Variants in INPP4B observed in about 807,000 individuals in gnomAD.
The protein encoded by INPP4B is inositol polyphosphate 4-phosphatase type II.
In INPP4B, 55 loss-of-function variants were observed where a neutral mutation model predicts 122.5. The ratio of observed to expected loss-of-function variants is 0.45; its 90% CI spans 0.36 to 0.56. The LOEUF is 0.56. Ranked by LOEUF, INPP4B falls within the 20% of genes least tolerant of loss-of-function variation. The pLI is 0.00. For missense variants in INPP4B, 1,000 were observed against 1,097.7 expected (o/e 0.91, Z 1.26); for synonymous variants, 403 against 388.7 (o/e 1.04, Z -0.43).
intron 2 of INPP4B, among the ~76,000 whole-genome samples, chr4:142,530,507 A>G (rs1827463102): frequency 6.6e-6 from 1 of 151,308 alleles, no homozygotes. Flanking sequence ...AAACAAATAT[A>G]CATGCATATA....
intron 7 of INPP4B, chr4:142,347,506 T>G (rs748908638): frequency 2.3e-6 from 1 of 442,258 alleles, no homozygotes; most frequent in South Asian, 1.6e-5. Context: ...GTTTGAACAC[T>G]TGCCTCAGGG....
At chr4:142,726,100 C>G (rs542282569) in intron 1 of INPP4B, among the ~76,000 whole-genome samples, 199 bp from the exon 2 acceptor site, 158 of 152,296 alleles carry the variant, frequency 1.0e-3, no homozygotes, top group Non-Finnish European at 2.0e-3. Flanking sequence ...TTCTCCCTTA[C>G]AGCTGAGAAC....
intron 1 of INPP4B, among the ~76,000 whole-genome samples, chr4:142,786,591 G>A (rs1015296614): frequency 6.6e-6 from 1 of 152,032 alleles, no homozygotes; most frequent in Non-Finnish European, 1.5e-5. Flanking sequence ...TGAAGAGAGA[G>A]AGAAAAAGTA....
At chr4:142,586,320 A>AC (rs397800941) in intron 2 of INPP4B, among the ~76,000 whole-genome samples, 1 of 151,724 alleles carries the variant, frequency 6.6e-6, no homozygotes, top group Admixed American at 6.6e-5. Flanking sequence ...TCTCAAAAAA[A>AC]CAAAACAACA....
At chr4:142,176,004 T>C (rs1017561247) in intron 15 of INPP4B, among the ~76,000 whole-genome samples, 3 of 152,062 alleles carry the variant, frequency 2.0e-5, no homozygotes, top group African/African-American at 7.2e-5. Context: ...CAGAGATCGC[T>C]TCCTGTGTCC....
chr4:142,674,963 C>T (rs898284894), intron 2 of INPP4B, among the ~76,000 whole-genome samples: 10 of 151,974 alleles, frequency 6.6e-5, no homozygotes, highest in African/African-American at 2.4e-4. Context: ...GAAGCAAGAG[C>T]AAACAAATTC....
At chr4:142,559,695 A>G (rs1038088721) in intron 2 of INPP4B, among the ~76,000 whole-genome samples, 2 of 152,180 alleles carry the variant, frequency 1.3e-5, no homozygotes, top group African/African-American at 4.8e-5. Context: ...CAAACCTATG[A>G]TAACTATATA....
At chr4:142,139,273 G>A (rs1423804882) in intron 18 of INPP4B, among the ~76,000 whole-genome samples, 1 of 151,726 alleles carries the variant, frequency 6.6e-6, no homozygotes, top group Non-Finnish European at 1.5e-5. Flanking sequence ...ATATATAATT[G>A]CATTAATTTG....
At chr4:142,245,931 CATATATGTGTATGTATACAT>C (rs1728134797) in intron 11 of INPP4B, among the ~76,000 whole-genome samples, 1 of 16,302 alleles carries the variant, frequency 6.1e-5, no homozygotes, top group Non-Finnish European at 1.6e-4. Context: ...TGTATGTATA[CATATATGTGTATGTATACAT>C]ATATATGTGT....
chr4:142,588,215 C>T (rs1036756355), intron 2 of INPP4B, among the ~76,000 whole-genome samples: 5 of 151,822 alleles, frequency 3.3e-5, no homozygotes, highest in African/African-American at 4.8e-5. Flanking sequence ...TGATAAGAAA[C>T]TAGATACTTT....
At chr4:142,636,753 C>G (rs1560899516) in intron 2 of INPP4B, among the ~76,000 whole-genome samples, 1 of 152,040 alleles carries the variant, frequency 6.6e-6, no homozygotes, top group Non-Finnish European at 1.5e-5. Context: ...TATTCACATA[C>G]TTTAGTCCAT....
intron 1 of INPP4B, among the ~76,000 whole-genome samples, chr4:142,832,147 G>A (rs896968498): frequency 2.6e-5 from 4 of 152,194 alleles, no homozygotes; most frequent in Admixed American, 2.6e-4. Flanking sequence ...TTCTGCTTAT[G>A]TGGAATGTGC....
intron 2 of INPP4B, among the ~76,000 whole-genome samples, chr4:142,564,634 C>G (rs955654691): frequency 1.3e-4 from 20 of 152,004 alleles, no homozygotes; most frequent in Admixed American, 7.2e-4. Context: ...TGAGGACTCT[C>G]TTACCCATAA....
chr4:142,443,216 A>G (rs1812201032), intron 3 of INPP4B, among the ~76,000 whole-genome samples: 1 of 152,144 alleles, frequency 6.6e-6, no homozygotes, highest in Non-Finnish European at 1.5e-5. Context: ...GAGAGCCTTT[A>G]CTCAAGAGTA....
intron 18 of INPP4B, among the ~76,000 whole-genome samples, chr4:142,125,674 C>T (rs1162345432): frequency 6.6e-6 from 1 of 152,106 alleles, no homozygotes; most frequent in Non-Finnish European, 1.5e-5. Flanking sequence ...TTCCCCCTTA[C>T]TACACTTCCC....
intron 7 of INPP4B, among the ~76,000 whole-genome samples, chr4:142,352,904 G>A (rs1782368556): frequency 6.6e-6 from 1 of 151,924 alleles, no homozygotes; most frequent in Non-Finnish European, 1.5e-5. Flanking sequence ...CTGATGACAA[G>A]TGGCCTATTC....
chr4:142,502,224 C>A (rs1468278353), intron 2 of INPP4B, among the ~76,000 whole-genome samples: 1 of 152,124 alleles, frequency 6.6e-6, no homozygotes. Flanking sequence ...TGAACTCTGA[C>A]CACTGTTTCT....
intron 2 of INPP4B, among the ~76,000 whole-genome samples, chr4:142,685,950 T>A (rs1334070789): frequency 6.6e-6 from 1 of 151,826 alleles, no homozygotes; most frequent in African/African-American, 2.4e-5. Context: ...AAAACTAGAG[T>A]TTTGACGTTT....
At chr4:142,743,675 T>C (rs1768233128) in intron 1 of INPP4B, among the ~76,000 whole-genome samples, 1 of 151,886 alleles carries the variant, frequency 6.6e-6, no homozygotes, top group East Asian at 1.9e-4. Flanking sequence ...GTGGAGATAA[T>C]GAGCTAAAGT....
Sources: gnomAD v4.1 joint callset for allele counts (sites outside exome capture counted in the v4.1 genomes callset) on GRCh38, gnomAD v4.1.1 for gene constraint, MANE v1.5 for transcripts, NCBI Gene and HGNC (gene_info 2026-07-23, HGNC 2026-07-21) for gene names.